The following KLHL2 variants were observed in gnomAD, a reference collection of about 807,000 sequenced individuals.
KLHL2 encodes the protein kelch like family member 2, also known as kelch-like protein 2.
In KLHL2, 15 loss-of-function variants were observed where a neutral mutation model predicts 75.8. That is an observed-to-expected ratio of 0.20 (90% CI 0.13 to 0.30). The LOEUF (loss-of-function observed/expected upper bound fraction) is 0.30, where lower values mean the gene tolerates loss of function less well. Among genes scored for constraint, KLHL2 ranks in the 10% least tolerant of loss-of-function variants. The probability of loss-of-function intolerance (pLI) is 1.00; values close to 1 mark genes in which losing one functional copy is unlikely to be tolerated. For synonymous variants in KLHL2, 214 were observed against 251.9 expected, an observed-to-expected ratio of 0.85 and a Z score of 1.42; for missense variants, 381 against 741.0, an observed-to-expected ratio of 0.51 and a Z score of 5.64.
intron 1 of KLHL2, among the ~76,000 whole-genome samples, chr4:165,210,397 C>T (rs1737127188): frequency 1.3e-5 from 2 of 152,166 alleles, no homozygotes; most frequent in South Asian, 4.1e-4. Context: ...AGGATGGACT[C>T]CTTGAAATTA....
At chr4:165,291,838 T>A (rs1177920118) in intron 5 of KLHL2, among the ~76,000 whole-genome samples, 3 of 152,066 alleles carry the variant, frequency 2.0e-5, no homozygotes, top group Non-Finnish European at 4.4e-5. Flanking sequence ...TTTTAATTTT[T>A]TTTTTTAAAG....
In KLHL2 at chr4:165,310,575, T is replaced by C. The variant is rs1212860853; in HGVS notation, c.1062T>C (p.Leu354=). The part of the protein sequence containing the change: ...CRAGMVYMAG[L]VFAVGGFNGS... ...CAGGCATGGTCTACATGGCTGGACT[T>C]GTTTTTGCTGTTGGTGGCTTTAATG... The change falls in exon 10 of 15, where the codon CTT becomes CTC. Residue 354 remains leucine, a synonymous_variant. Coordinates refer to ENST00000226725, the MANE Select transcript of KLHL2 (RefSeq NM_007246.4). 3 of 1,613,850 alleles carry C rather than the reference T, an allele frequency of 1.9e-6. No homozygotes were observed. Among genetic ancestry groups the C allele is most frequent in the Non-Finnish European group, 2.5e-6 (3 of 1,179,874 alleles).
chr4:165,221,448 A>C (rs1737984378), intron 2 of KLHL2, among the ~76,000 whole-genome samples: 2 of 152,122 alleles, frequency 1.3e-5, no homozygotes, highest in African/African-American at 4.8e-5. Context: ...GCTGTGCCAC[A>C]TCTTAGGGTA....
intron 4 of KLHL2, among the ~76,000 whole-genome samples, chr4:165,246,530 G>A (rs780724852): frequency 2.0e-5 from 3 of 152,236 alleles, no homozygotes; most frequent in Middle Eastern, 3.4e-3. Flanking sequence ...GGTTGTTGGC[G>A]TGAGATGGTG....
At chr4:165,310,855 GTTTTTT>G in intron 10 of KLHL2, 105 bp downstream of exon 10, 3 of 594,944 alleles carry the variant, frequency 5.0e-6, no homozygotes, top group African/African-American at 2.1e-5. Flanking sequence ...GGTTTTTTGT[GTTTTTT>G]TTTTTTTTTT....
chr4:165,320,525 A>G (rs949557233), intron 14 of KLHL2, among the ~76,000 whole-genome samples: 12 of 152,128 alleles, frequency 7.9e-5, no homozygotes, highest in Admixed American at 5.9e-4. Flanking sequence ...CCTAAACACA[A>G]TGTATCTAAT....
At chr4:165,292,396 G>A (rs1393097290) in intron 5 of KLHL2, among the ~76,000 whole-genome samples, 1 of 151,978 alleles carries the variant, frequency 6.6e-6, no homozygotes, top group African/African-American at 2.4e-5. Flanking sequence ...GCAGTGGCGT[G>A]ATCTCGGCTT....
At chr4:165,310,847 T>G in intron 10 of KLHL2, 97 bp downstream of exon 10, 1 of 899,648 alleles carries the variant, frequency 1.1e-6, no homozygotes, top group Non-Finnish European at 1.7e-6. Context: ...ACATGTGAGG[T>G]TTTTTGTGTT....
At chr4:165,227,099 A>G (rs1738500395) in intron 2 of KLHL2, among the ~76,000 whole-genome samples, 1 of 152,178 alleles carries the variant, frequency 6.6e-6, no homozygotes, top group Non-Finnish European at 1.5e-5. Flanking sequence ...CTCAGAGCAG[A>G]TGGTAAACTT....
intron 13 of KLHL2, among the ~76,000 whole-genome samples, chr4:165,316,745 T>TA (rs1231791154): frequency 1.3e-5 from 2 of 152,154 alleles, no homozygotes; most frequent in Non-Finnish European, 2.9e-5. Flanking sequence ...CAAAATTACT[T>TA]AAATATCCAT....
chr4:165,280,217 T>C (rs911087200), intron 5 of KLHL2, among the ~76,000 whole-genome samples: 2 of 152,254 alleles, frequency 1.3e-5, no homozygotes, highest in African/African-American at 4.8e-5. Flanking sequence ...CACACTGTTG[T>C]GGGTGATAGA....
At chr4:165,296,618 A>C (rs1744930985) in intron 6 of KLHL2, among the ~76,000 whole-genome samples, 1 of 152,178 alleles carries the variant, frequency 6.6e-6, no homozygotes, top group Non-Finnish European at 1.5e-5. Context: ...TGGACCAAAA[A>C]TGAGGTGAGG....
intron 4 of KLHL2, among the ~76,000 whole-genome samples, chr4:165,261,537 A>C (rs1264332158): frequency 6.6e-6 from 1 of 151,960 alleles, no homozygotes; most frequent in Non-Finnish European, 1.5e-5. Flanking sequence ...TTGGGCTTTC[A>C]CCATGTTGGC....
chr4:165,317,812 G>A lies in KLHL2; in HGVS notation c.1610-14G>A. The A allele has an allele frequency of 6.2e-7, 1 of 1,601,108 alleles. No individual in the cohort carries two copies. The highest frequency in any genetic ancestry group is 8.5e-7 in the Non-Finnish European group (1 of 1,172,002). The stretch of plus-strand genomic sequence containing the variant: ...TTTTTTAAATAATTGTTTTCTCTCT[G>A]TAATTTTTTAAAGGAGTTTGTGCAG... On this transcript the variant is annotated splice_polypyrimidine_tract_variant and intron_variant, in intron 13 of 14. Transcript: ENST00000226725.
rs559722273 is a variant in KLHL2, at chr4:165,228,237, G to T, written c.153-570G>T. Among the ~76,000 whole-genome samples, 587 of 152,332 alleles carry T rather than the reference G, an allele frequency of 3.9e-3. 2 individuals carry two copies. Among genetic ancestry groups the T allele is most frequent in the South Asian group, 0.021 (103 of 4,832 alleles). On this transcript the variant is annotated intron_variant, in intron 2 of 14. Transcript: ENST00000226725. Reference sequence around the variant, plus strand: ...TTAACTTTAGATGTAATATTTTCTGGCCTTGAAGGATGAGATATTTTGCAT... The same window carrying T: ...TTAACTTTAGATGTAATATTTTCTGTCCTTGAAGGATGAGATATTTTGCAT...
intron 1 of KLHL2, among the ~76,000 whole-genome samples, chr4:165,215,210 T>C (rs546461406): frequency 1.3e-5 from 2 of 152,304 alleles, no homozygotes; most frequent in South Asian, 4.1e-4. Flanking sequence ...CCCAAACGTG[T>C]TTCCAACTGA....
chr4:165,227,326 T>C (rs185532329), intron 2 of KLHL2, among the ~76,000 whole-genome samples: 197 of 152,326 alleles, frequency 1.3e-3, no homozygotes, highest in African/African-American at 4.4e-3. Flanking sequence ...ACTCTTTTTT[T>C]CTTCCATTTC....
rs1055004268 is a variant in KLHL2, at chr4:165,322,931, T to C, written c.*871T>C. On this transcript the variant is annotated 3_prime_UTR_variant, in exon 15 of 15. Transcript: ENST00000226725. ...AACATTACTGCAGGTTTTTGATGAA[T>C]ATAATGAATGTATGGAATTCAATTG... The C allele has an allele frequency of 5.9e-5, 9 of 152,616 alleles. No individual in the cohort carries two copies. The highest frequency in any genetic ancestry group is 8.8e-5 in the Non-Finnish European group (6 of 68,012). 9.5% of individuals were successfully genotyped at this position (152,616 alleles called of 1,614,324 possible).
intron 5 of KLHL2, among the ~76,000 whole-genome samples, chr4:165,264,067 G>C (rs1370419293): frequency 6.6e-6 from 1 of 151,900 alleles, no homozygotes; most frequent in African/African-American, 2.4e-5. Flanking sequence ...TCTGCAGTTG[G>C]GGAGGAGACA....
Sources: allele counts gnomAD v4.1 joint callset (sites outside exome capture counted in the v4.1 genomes callset), GRCh38; gene constraint gnomAD v4.1.1; transcripts MANE v1.5; gene names NCBI Gene and HGNC (gene_info 2026-07-23, HGNC 2026-07-21).